Variants in KCND2 observed in about 807,000 individuals in gnomAD.
The protein encoded by KCND2 is A-type voltage-gated potassium channel KCND2.
In KCND2, 16 loss-of-function variants were observed where a neutral mutation model predicts 54.4. The ratio of observed to expected loss-of-function variants is 0.29; its 90% CI spans 0.20 to 0.45. The LOEUF is 0.45. KCND2 is among the 20% of genes least tolerant of loss of function. The pLI, the probability that KCND2 is intolerant of heterozygous loss-of-function variation, is 1.00. For missense variants in KCND2, 486 were observed against 824.2 expected (o/e 0.59, Z 5.02); for synonymous variants, 317 against 310.7 (o/e 1.02, Z -0.21).
intron 1 of KCND2, among the ~76,000 whole-genome samples, chr7:120,346,340 T>C (rs977093144): frequency 6.6e-6 from 1 of 152,168 alleles, no homozygotes; most frequent in Non-Finnish European, 1.5e-5. Context: ...AGTGAGTTCA[T>C]AGAAAATCCA....
chr7:120,555,693 G>A (rs916104151), intron 1 of KCND2, among the ~76,000 whole-genome samples: 3 of 152,150 alleles, frequency 2.0e-5, no homozygotes, highest in Admixed American at 2.0e-4. Flanking sequence ...GGTACACAGT[G>A]TAAATCAAAT....
chr7:120,735,495 C>T (rs116789637), intron 2 of KCND2, among the ~76,000 whole-genome samples: 2,113 of 152,130 alleles, frequency 0.014, 22 homozygotes, highest in African/African-American at 0.033. Context: ...TCTAAATTTC[C>T]GATAAACCAA....
intron 1 of KCND2, among the ~76,000 whole-genome samples, chr7:120,349,466 G>T (rs957216588): frequency 3.9e-4 from 60 of 152,202 alleles, no homozygotes; most frequent in African/African-American, 1.3e-3. Context: ...AAAATGTCCT[G>T]AACTACTATT....
At chr7:120,455,781 A>G (rs184553094) in intron 1 of KCND2, among the ~76,000 whole-genome samples, 1 of 152,174 alleles carries the variant, frequency 6.6e-6, no homozygotes, top group Non-Finnish European at 1.5e-5. Context: ...GGAGCTAAAG[A>G]CTGAATACTT....
chr7:120,559,099 T>C (rs1307161122), intron 1 of KCND2, among the ~76,000 whole-genome samples: 2 of 151,932 alleles, frequency 1.3e-5, no homozygotes, highest in Non-Finnish European at 2.9e-5. Flanking sequence ...TTGAAAAAAA[T>C]TGGAAATGTT....
At chr7:120,303,038 G>A (rs991180966) in intron 1 of KCND2, among the ~76,000 whole-genome samples, 4 of 151,950 alleles carry the variant, frequency 2.6e-5, no homozygotes, top group African/African-American at 9.7e-5. Flanking sequence ...TTTGTTACCT[G>A]TACTACATTA....
Position 120,351,412 on chromosome 7 carries a change from A to ACTCT in KCND2, c.1115+75685_1115+75688dup, listed in dbSNP as rs60390632. Among the ~76,000 whole-genome samples the ACTCT allele has an allele frequency of 8.4e-3, 834 of 99,452 alleles. 26 individuals are homozygous for ACTCT. The highest frequency in any genetic ancestry group is 0.012 in the South Asian group (24 of 2,060). 65.2% of individuals were successfully genotyped at this position (99,452 alleles called of 152,430 possible). ...CACACACACACACACACACACACAC[A>ACTCT]CTCTCTCTCTCTCTCTCTCTCTCAC... On this transcript the variant is annotated intron_variant, in intron 1 of 5. Coordinates refer to ENST00000331113, the MANE Select transcript of KCND2 (RefSeq NM_012281.3).
intron 1 of KCND2, among the ~76,000 whole-genome samples, chr7:120,687,509 C>T (rs4730976): frequency 0.37 from 55,992 of 151,850 alleles, 11,535 homozygotes; most frequent in African/African-American, 0.53. Flanking sequence ...CTACAGTGCT[C>T]ACATATTTCA....
At chr7:120,362,505 C>T (rs1212467001) in intron 1 of KCND2, among the ~76,000 whole-genome samples, 1 of 151,978 alleles carries the variant, frequency 6.6e-6, no homozygotes, top group Non-Finnish European at 1.5e-5. Context: ...ATTGTATTTC[C>T]AAGTAAAAAT....
At chr7:120,284,447 A>G (rs887667595) in intron 1 of KCND2, among the ~76,000 whole-genome samples, 2 of 152,174 alleles carry the variant, frequency 1.3e-5, no homozygotes, top group Admixed American at 6.6e-5. Flanking sequence ...ATTCAAACTT[A>G]TGAAAATATG....
chr7:120,576,430 T>C (rs1412969830), intron 1 of KCND2, among the ~76,000 whole-genome samples: 1 of 152,250 alleles, frequency 6.6e-6, no homozygotes, highest in Non-Finnish European at 1.5e-5. Context: ...TTGATTCCAT[T>C]GTTTTAATTT....
intron 1 of KCND2, among the ~76,000 whole-genome samples, chr7:120,591,958 C>G (rs1264726655): frequency 6.6e-6 from 1 of 152,180 alleles, no homozygotes. Flanking sequence ...CAACTGGTGG[C>G]TGCCAAGACT....
At chr7:120,643,702 C>G (rs181753543) in intron 1 of KCND2, among the ~76,000 whole-genome samples, 1 of 151,526 alleles carries the variant, frequency 6.6e-6, no homozygotes, top group East Asian at 1.9e-4. Flanking sequence ...TCTTCCTAGT[C>G]TATATTACAT....
intron 1 of KCND2, among the ~76,000 whole-genome samples, chr7:120,446,161 G>C (rs2116206809): frequency 6.6e-6 from 1 of 152,208 alleles, no homozygotes; most frequent in South Asian, 2.1e-4. Flanking sequence ...AGCAGTCTGA[G>C]CTTCCCTACC....
chr7:120,295,799 T>C (rs1799505135), intron 1 of KCND2, among the ~76,000 whole-genome samples: 2 of 152,030 alleles, frequency 1.3e-5, no homozygotes, highest in South Asian at 4.1e-4. Context: ...GCAGATGAGA[T>C]AATGCAAACT....
chr7:120,336,805 G>A (rs1489949649), intron 1 of KCND2, among the ~76,000 whole-genome samples: 1 of 152,106 alleles, frequency 6.6e-6, no homozygotes, highest in Non-Finnish European at 1.5e-5. Flanking sequence ...ATAAGTGGAA[G>A]ATTAAAGGAA....
At chr7:120,314,245 A>C (rs990493078) in intron 1 of KCND2, among the ~76,000 whole-genome samples, 16 of 152,146 alleles carry the variant, frequency 1.1e-4, no homozygotes, top group African/African-American at 3.4e-4. Context: ...TATTTTCAAA[A>C]TGCATTGAAC....
intron 1 of KCND2, among the ~76,000 whole-genome samples, chr7:120,609,228 A>G (rs1176327910): frequency 1.3e-5 from 2 of 152,150 alleles, no homozygotes; most frequent in African/African-American, 4.8e-5. Flanking sequence ...CTAAGGTCAT[A>G]TAATTTAAAA....
At chr7:120,673,251 A>G (rs560579276) in intron 1 of KCND2, among the ~76,000 whole-genome samples, 15 of 152,284 alleles carry the variant, frequency 9.9e-5, no homozygotes, top group African/African-American at 3.6e-4. Flanking sequence ...TTATGGCAGC[A>G]CTAGTAAACT....
Sources: allele counts gnomAD v4.1 joint callset (sites outside exome capture counted in the v4.1 genomes callset), GRCh38; gene constraint gnomAD v4.1.1; transcripts MANE v1.5; gene names NCBI Gene and HGNC (gene_info 2026-07-23, HGNC 2026-07-21).